Variants in PSMA1 observed in about 807,000 individuals in gnomAD.
PSMA1 encodes the protein proteasome 20S subunit alpha 1, also known as proteasome subunit alpha type-1.
Under a neutral mutation model 38.4 loss-of-function variants are expected in PSMA1, and 3 were observed. That is an observed-to-expected ratio of 0.08 (90% CI 0.04 to 0.20). The LOEUF is 0.20. Among genes scored for constraint, PSMA1 ranks in the 10% least tolerant of loss-of-function variants. The probability of loss-of-function intolerance (pLI) is 1.00; values close to 1 mark genes in which losing one functional copy is unlikely to be tolerated. For synonymous variants in PSMA1, 101 were observed against 107.1 expected (o/e 0.94, Z 0.35); for missense variants, 227 against 325.3 (o/e 0.70, Z 2.32).
chr11:14,513,775 T>C (rs1188664265), intron 6 of PSMA1, 42 bp downstream of exon 6: 1 of 1,543,536 alleles, frequency 6.5e-7, no homozygotes, highest in Non-Finnish European at 8.7e-7. Flanking sequence ...TCTAGTTAAT[T>C]AAAAAAAATC....
At chr11:14,563,565 G>C (rs1337619726) in intron 2 of PSMA1, among the ~76,000 whole-genome samples, 3 of 152,116 alleles carry the variant, frequency 2.0e-5, no homozygotes, top group Non-Finnish European at 4.4e-5. Context: ...AATTATTTGA[G>C]GATTCATTGC....
chr11:14,524,464 A>T (rs980019419), upstream of PSMA1, among the ~76,000 whole-genome samples: 7 of 152,076 alleles, frequency 4.6e-5, no homozygotes, highest in Non-Finnish European at 1.0e-4. Context: ...GGTTCTTTGT[A>T]ATTCTCCCCA....
At chr11:14,529,873 C>T (rs1379505918) in intron 2 of PSMA1, among the ~76,000 whole-genome samples, 5 of 152,176 alleles carry the variant, frequency 3.3e-5, no homozygotes, top group African/African-American at 1.2e-4. Flanking sequence ...AATCCAAATA[C>T]CTACAGAGTG....
intron 1 of PSMA1, among the ~76,000 whole-genome samples, chr11:14,629,047 A>T (rs1298189875): frequency 1.3e-5 from 2 of 151,078 alleles, no homozygotes; most frequent in East Asian, 3.9e-4. Context: ...GTTTGAGTTC[A>T]TTGTAGATTC....
At chr11:14,589,004 T>C (rs1232369429) in intron 2 of PSMA1, among the ~76,000 whole-genome samples, 1 of 152,200 alleles carries the variant, frequency 6.6e-6, no homozygotes, top group Non-Finnish European at 1.5e-5. Context: ...CTTACCCTCC[T>C]TTAGGCATTC....
chr11:14,612,764 T>C (rs1370300803), intron 1 of PSMA1, among the ~76,000 whole-genome samples: 2 of 152,192 alleles, frequency 1.3e-5, no homozygotes, highest in African/African-American at 4.8e-5. Context: ...GAGTAGGCTA[T>C]GTTTACCCAG....
At chr11:14,562,030 G>A (rs1852015981) in intron 2 of PSMA1, among the ~76,000 whole-genome samples, 1 of 152,118 alleles carries the variant, frequency 6.6e-6, no homozygotes, top group African/African-American at 2.4e-5. Flanking sequence ...GAGGAAGCTA[G>A]GAAAACCAAA....
chr11:14,558,583 G>T (rs1187843020), intron 2 of PSMA1, among the ~76,000 whole-genome samples: 3 of 152,220 alleles, frequency 2.0e-5, no homozygotes, highest in Non-Finnish European at 4.4e-5. Flanking sequence ...GGCTATAAAT[G>T]GGAGAACGAA....
At chr11:14,529,689 C>T (rs114853667) in intron 2 of PSMA1, among the ~76,000 whole-genome samples, 2,615 of 152,336 alleles carry the variant, frequency 0.017, 76 homozygotes, top group African/African-American at 0.06. Flanking sequence ...AACACCTTAA[C>T]TCTCACCTTA....
At chr11:14,513,407 G>C in intron 7 of PSMA1, 163 bp downstream of exon 7, 2 of 744,168 alleles carry the variant, frequency 2.7e-6, no homozygotes, top group Non-Finnish European at 3.7e-6. Flanking sequence ...GTTAAGATTA[G>C]TATATGTGAC....
At chr11:14,621,555 G>A (rs1852844374) in intron 1 of PSMA1, among the ~76,000 whole-genome samples, 1 of 152,164 alleles carries the variant, frequency 6.6e-6, no homozygotes, top group African/African-American at 2.4e-5. Context: ...ACAGGCATGA[G>A]CCACCACATT....
intron 1 of PSMA1, among the ~76,000 whole-genome samples, chr11:14,624,460 T>A (rs969501588): frequency 1.3e-5 from 2 of 152,170 alleles, no homozygotes; most frequent in Non-Finnish European, 2.9e-5. Context: ...ACTAGCCCTA[T>A]CTACCATCAC....
intron 2 of PSMA1, among the ~76,000 whole-genome samples, chr11:14,593,906 G>C (rs1852452871): frequency 6.6e-6 from 1 of 152,158 alleles, no homozygotes; most frequent in Admixed American, 6.5e-5. Context: ...CTTAGCCTGT[G>C]CTTCCCTAAG....
chr11:14,511,734 A>T (rs192130693), intron 7 of PSMA1, among the ~76,000 whole-genome samples: 1,821 of 152,328 alleles, frequency 0.012, 22 homozygotes, highest in Non-Finnish European at 0.021. Flanking sequence ...CTTTTCCCTT[A>T]AGTTTAGGAA....
chr11:14,595,417 G>C (rs1852474681), intron 2 of PSMA1, among the ~76,000 whole-genome samples: 2 of 151,992 alleles, frequency 1.3e-5, no homozygotes, highest in Admixed American at 6.6e-5. Flanking sequence ...AGCATCTGCT[G>C]TTTCCTGACT....
intron 7 of PSMA1, among the ~76,000 whole-genome samples, chr11:14,512,301 G>A (rs980645818): frequency 2.0e-5 from 3 of 152,024 alleles, no homozygotes; most frequent in African/African-American, 4.8e-5. Flanking sequence ...TTGAACCTGG[G>A]AGGCAGAGGT....
chr11:14,580,337 A>G (rs1354437971), intron 2 of PSMA1, among the ~76,000 whole-genome samples: 1 of 152,162 alleles, frequency 6.6e-6, no homozygotes, highest in East Asian at 1.9e-4. Context: ...CCTAGCCTTG[A>G]ACATGCTGTT....
At chr11:14,576,965 T>A (rs1002914624) in intron 2 of PSMA1, among the ~76,000 whole-genome samples, 2 of 152,138 alleles carry the variant, frequency 1.3e-5, no homozygotes, top group African/African-American at 4.8e-5. Context: ...TTGAGCAGTG[T>A]TTTGTAGTTC....
intron 1 of PSMA1, among the ~76,000 whole-genome samples, chr11:14,612,878 G>A (rs569739647): frequency 3.3e-5 from 5 of 150,502 alleles, no homozygotes; most frequent in African/African-American, 1.2e-4. Flanking sequence ...AAGGGCAGGA[G>A]TTAGGAAGAA....
Sources: gnomAD v4.1 joint callset for allele counts (sites outside exome capture counted in the v4.1 genomes callset) on GRCh38, gnomAD v4.1.1 for gene constraint, MANE v1.5 for transcripts, NCBI Gene and HGNC (gene_info 2026-07-23, HGNC 2026-07-21) for gene names.